The following DNAJC8 variants were observed in gnomAD, a reference collection of about 807,000 sequenced individuals.
DNAJC8 encodes the protein dnaJ homolog subfamily C member 8.
In DNAJC8, 24 loss-of-function variants were observed where a neutral mutation model predicts 43.2. The ratio of observed to expected loss-of-function variants is 0.56; its 90% confidence interval spans 0.40 to 0.78. The LOEUF is 0.78. DNAJC8 is among the 30% of genes least tolerant of loss of function. The probability of loss-of-function intolerance (pLI) is 0.00; values close to 1 mark genes in which losing one functional copy is unlikely to be tolerated. For missense variants in DNAJC8, 207 were observed against 299.4 expected, an observed-to-expected ratio of 0.69 and a Z score of 2.28; for synonymous variants, 83 against 98.0, an observed-to-expected ratio of 0.85 and a Z score of 0.90.
intron 2 of DNAJC8, among the ~76,000 whole-genome samples, chr1:28,215,509 C>G (rs560192392): frequency 6.6e-6 from 1 of 151,852 alleles, no homozygotes; most frequent in African/African-American, 2.4e-5. Flanking sequence ...CCCCATAGAG[C>G]AGGGGTAGGG....
intron 3 of DNAJC8, among the ~76,000 whole-genome samples, chr1:28,212,209 AT>A (rs1350678615): frequency 4.2e-5 from 5 of 120,242 alleles, no homozygotes; most frequent in African/African-American, 6.3e-5. Context: ...ATATATATAT[AT>A]ATATAAATGA....
intron 6 of DNAJC8, among the ~76,000 whole-genome samples, 199 bp downstream of exon 6, chr1:28,208,143 T>C (rs1420046567): frequency 3.9e-5 from 6 of 152,088 alleles, no homozygotes; most frequent in Non-Finnish European, 7.4e-5. Flanking sequence ...GAGGCAGAGG[T>C]TGCAGTGAGC....
chr1:28,203,053 T>C (rs533684781), intron 8 of DNAJC8, among the ~76,000 whole-genome samples: 1 of 152,334 alleles, frequency 6.6e-6, no homozygotes, highest in African/African-American at 2.4e-5. Context: ...CCCCCAAAAC[T>C]TGGATGGCTG....
intron 3 of DNAJC8, among the ~76,000 whole-genome samples, chr1:28,213,000 T>C (rs184068224): frequency 7.3e-4 from 112 of 152,384 alleles, no homozygotes; most frequent in African/African-American, 2.5e-3. Flanking sequence ...GGATACATTA[T>C]GTGCCAAGAG....
intron 3 of DNAJC8, among the ~76,000 whole-genome samples, chr1:28,211,761 G>T (rs1646811749): frequency 6.6e-6 from 1 of 152,252 alleles, no homozygotes; most frequent in African/African-American, 2.4e-5. Flanking sequence ...GCAAGAAAAT[G>T]TCCTTTTTTT....
At chr1:28,232,127 T>G (rs1189210595) in intron 1 of DNAJC8, among the ~76,000 whole-genome samples, 1 of 151,758 alleles carries the variant, frequency 6.6e-6, no homozygotes, top group African/African-American at 2.4e-5. Flanking sequence ...AAAAATGGAG[T>G]GCAGTGGTCC....
chr1:28,223,412 A>C (rs1218986934), intron 2 of DNAJC8, among the ~76,000 whole-genome samples: 8 of 152,138 alleles, frequency 5.3e-5, no homozygotes, highest in African/African-American at 1.9e-4. Context: ...GGGTGGCCTG[A>C]CATGGGAGTT....
intron 2 of DNAJC8, among the ~76,000 whole-genome samples, chr1:28,218,471 C>T (rs1453014685): frequency 3.3e-5 from 5 of 151,860 alleles, no homozygotes; most frequent in Non-Finnish European, 4.4e-5. Context: ...GGCTGGAGTG[C>T]AGTGGCATAA....
At chr1:28,203,496 G>T (rs1646750070) in intron 8 of DNAJC8, among the ~76,000 whole-genome samples, 1 of 152,178 alleles carries the variant, frequency 6.6e-6, no homozygotes, top group South Asian at 2.1e-4. Flanking sequence ...CTGTTAGTGT[G>T]CTGTAAAAAG....
intron 6 of DNAJC8, among the ~76,000 whole-genome samples, chr1:28,207,253 C>A (rs1401724314): frequency 6.6e-6 from 1 of 151,874 alleles, no homozygotes; most frequent in African/African-American, 2.4e-5. Flanking sequence ...TGGCGGGCAT[C>A]TGTAATCCCA....
chr1:28,231,276 A>C (rs1177725666), intron 1 of DNAJC8, among the ~76,000 whole-genome samples: 2 of 152,162 alleles, frequency 1.3e-5, no homozygotes, highest in African/African-American at 2.4e-5. Context: ...ATGTGGGAGA[A>C]TCACTTGAGC....
chr1:28,206,610 GCCCT>G (rs1468391258), intron 6 of DNAJC8, among the ~76,000 whole-genome samples: 3 of 152,088 alleles, frequency 2.0e-5, no homozygotes, highest in African/African-American at 7.2e-5. Context: ...AAATCACAAT[GCCCT>G]CCCTACCAGT....
chr1:28,221,345 G>A (rs888983039), intron 2 of DNAJC8, among the ~76,000 whole-genome samples: 4 of 151,708 alleles, frequency 2.6e-5, no homozygotes, highest in Non-Finnish European at 5.9e-5. Context: ...GTCTCAAAAA[G>A]GGAAAAAGAG....
intron 3 of DNAJC8, among the ~76,000 whole-genome samples, chr1:28,212,212 T>TATATATACAC (rs1553167926): frequency 1.7e-5 from 2 of 116,656 alleles, no homozygotes; most frequent in East Asian, 2.5e-4. Flanking sequence ...TATATATATA[T>TATATATACAC]ATAAATGAAA....
intron 2 of DNAJC8, among the ~76,000 whole-genome samples, chr1:28,216,838 T>G (rs1409460838): frequency 2.0e-5 from 3 of 151,076 alleles, no homozygotes; most frequent in Admixed American, 6.6e-5. Context: ...GACGGAGTTT[T>G]GCTCTTGTTG....
At chr1:28,216,315 C>T (rs985810410) in intron 2 of DNAJC8, among the ~76,000 whole-genome samples, 7 of 152,120 alleles carry the variant, frequency 4.6e-5, no homozygotes, top group African/African-American at 1.2e-4. Context: ...AGCGAAGTCA[C>T]GTAAGATTTA....
intron 2 of DNAJC8, among the ~76,000 whole-genome samples, chr1:28,218,893 A>G (rs1255281166): frequency 6.6e-6 from 1 of 152,154 alleles, no homozygotes; most frequent in Non-Finnish European, 1.5e-5. Context: ...CAGACGAGGG[A>G]CTGTAACTGT....
chr1:28,232,892 G>A, intron 1 of DNAJC8, 29 bp downstream of exon 1: 1 of 1,609,564 alleles, frequency 6.2e-7, no homozygotes, highest in Non-Finnish European at 8.5e-7. Context: ...CGGTCGCCCC[G>A]GTGCCACTAC....
intron 8 of DNAJC8, among the ~76,000 whole-genome samples, chr1:28,202,101 T>G (rs1353078049): frequency 6.6e-6 from 1 of 151,304 alleles, no homozygotes; most frequent in Non-Finnish European, 1.5e-5. Context: ...AAAAAAAAAG[T>G]AGAATAGAGC....
Sources: gnomAD v4.1 joint callset for allele counts (sites outside exome capture counted in the v4.1 genomes callset) on GRCh38, gnomAD v4.1.1 for gene constraint, MANE v1.5 for transcripts, NCBI Gene and HGNC (gene_info 2026-07-23, HGNC 2026-07-21) for gene names.